Variants in SETX observed in about 807,000 individuals in gnomAD.
The protein encoded by SETX is senataxin, also known as helicase senataxin.
A neutral mutation model predicts 227.2 loss-of-function variants in SETX; 90 were observed. The ratio of observed to expected loss-of-function variants is 0.40; its 90% CI spans 0.33 to 0.47. The LOEUF is 0.47. Ranked by LOEUF, SETX falls within the 20% of genes least tolerant of loss-of-function variation. SETX has a pLI of 0.91. For missense variants in SETX, 3,052 were observed against 3,181.5 expected, an observed-to-expected ratio of 0.96 and a Z score of 0.98; for synonymous variants, 1,210 against 1,113.2, an observed-to-expected ratio of 1.09 and a Z score of -1.73.
intron 6 of SETX, among the ~76,000 whole-genome samples, chr9:132,336,031 C>T (rs928913001): frequency 4.6e-5 from 7 of 152,180 alleles, no homozygotes; most frequent in African/African-American, 7.2e-5. Flanking sequence ...CACTTGATGT[C>T]AGGAGTTCAA....
chr9:132,278,104 T>C lies in SETX; in HGVS notation c.6808A>G (p.Asn2270Asp). ...MHPDICLFPS[N>D]YVYNRNLKTN... ...TTTAAGTTTCTGTTATAAACATAAT[T>C]AGAAGGGAAGAGGCATATGTCTGGA... is the stretch of plus-strand genomic sequence containing the variant. The change falls in exon 21 of 26, where the codon AAT (asparagine) becomes GAT (aspartate). Residue 2270 changes from asparagine to aspartate, a missense_variant. This residue lies in a region of SETX where 412 missense variants were observed against 589.0 expected (regional missense o/e 0.70). Transcript: ENST00000224140. The C allele has an allele frequency of 4.3e-6, 7 of 1,614,078 alleles. No individual in the cohort carries two copies. The highest frequency in any genetic ancestry group is 5.9e-6 in the Non-Finnish European group (7 of 1,179,956).
Position 132,265,909 on chromosome 9 carries a change from G to A in SETX, c.7288-924C>T, listed in dbSNP as rs571568868. On this transcript the variant is annotated intron_variant, in intron 25 of 25. Coordinates refer to ENST00000224140, the MANE Select transcript of SETX (RefSeq NM_015046.7). Reference sequence around the variant, plus strand: ...TCTAAAGGCCTCCCAAACCCCGAATGGCTAAAACATCTTCATCCACCGAGA... The same window carrying A: ...TCTAAAGGCCTCCCAAACCCCGAATAGCTAAAACATCTTCATCCACCGAGA... 2.7e-5 allele frequency among the ~76,000 whole-genome samples: 4 copies of A among 148,506 alleles called. No individual in the cohort carries two copies. In the East Asian group the frequency reaches 8.0e-4, roughly 30 times the overall value.
intron 15 of SETX, among the ~76,000 whole-genome samples, chr9:132,294,829 A>T (rs189454607): frequency 2.0e-5 from 3 of 152,122 alleles, no homozygotes; most frequent in African/African-American, 7.2e-5. Flanking sequence ...GTCTCCAAGG[A>T]CTCTCTAAGG....
chr9:132,314,162 G>A (rs958382837), intron 10 of SETX, among the ~76,000 whole-genome samples: 4 of 151,922 alleles, frequency 2.6e-5, no homozygotes, highest in South Asian at 4.1e-4. Context: ...GTGCGATCTC[G>A]GCTCACCACA....
At chr9:132,285,223 G>GT (rs1453540192) in intron 18 of SETX, among the ~76,000 whole-genome samples, 1 of 152,000 alleles carries the variant, frequency 6.6e-6, no homozygotes, top group Non-Finnish European at 1.5e-5. Flanking sequence ...TATCATAATT[G>GT]TTTTTTGCAG....
chr9:132,265,105 A>G, intron 25 of SETX, 120 bp from the exon 26 acceptor site: 1 of 1,202,094 alleles, frequency 8.3e-7, no homozygotes, highest in South Asian at 1.3e-5. Flanking sequence ...CATATTCTCA[A>G]GATTCATTAC....
At chr9:132,313,116 A>G (rs1052844965) in intron 10 of SETX, among the ~76,000 whole-genome samples, 1 of 152,200 alleles carries the variant, frequency 6.6e-6, no homozygotes, top group African/African-American at 2.4e-5. Flanking sequence ...GGCAGAAAGG[A>G]TTGTTTTAGG....
Position 132,264,867 on chromosome 9 carries a change from A to G in SETX, c.7406T>C (p.Leu2469Pro), listed in dbSNP as rs151304085. The change falls in exon 26 of 26, where the codon CTG becomes CCG. Residue 2469 changes from leucine (L) to proline (P), a missense_variant. Physicochemically the swap from Leu to Pro is moderately conservative, Grantham distance 98. This residue lies in a region of SETX where 294 missense variants were observed against 278.8 expected (regional missense o/e 1.05). Coordinates refer to ENST00000224140, the MANE Select transcript of SETX (RefSeq NM_015046.7). Reference sequence around the variant, plus strand: ...AGGAGGGTGAGTGAGACTTCTCTGCAGCACAGGCTTGAGTTTCAGAATCTT... The same window carrying G: ...AGGAGGGTGAGTGAGACTTCTCTGCGGCACAGGCTTGAGTTTCAGAATCTT... ...AVKILKLKPV[L>P]QRSLTHPPTI... 8.7e-5 allele frequency: 141 copies of G among 1,614,020 alleles called. No homozygotes were observed. Among genetic ancestry groups the G allele is most frequent in the Non-Finnish European group, 1.1e-4 (130 of 1,179,988 alleles).
chr9:132,309,447 A>G (rs758816692), intron 11 of SETX, among the ~76,000 whole-genome samples: 1 of 152,156 alleles, frequency 6.6e-6, no homozygotes. Flanking sequence ...GAAAGCTTCT[A>G]GAAAAGGGGT....
At chr9:132,302,338 C>G (rs1470346628) in intron 11 of SETX, among the ~76,000 whole-genome samples, 1 of 111,010 alleles carries the variant, frequency 9.0e-6, no homozygotes, top group Non-Finnish European at 1.7e-5. Context: ...GCCTGGGTGA[C>G]AGAGCAAGAA....
At chr9:132,314,661 AAGG>A (rs1452745887) in intron 10 of SETX, among the ~76,000 whole-genome samples, 1 of 152,188 alleles carries the variant, frequency 6.6e-6, no homozygotes, top group Non-Finnish European at 1.5e-5. Context: ...CTCATCTTCA[AAGG>A]AGGTCTGAGT....
intron 23 of SETX, among the ~76,000 whole-genome samples, chr9:132,272,032 G>GC (rs1842929853): frequency 6.6e-6 from 1 of 151,910 alleles, no homozygotes. Flanking sequence ...ACAGGTGCCC[G>GC]CCACCATGCC....
chr9:132,265,897 C>A (rs1564465730), intron 25 of SETX, among the ~76,000 whole-genome samples: 1 of 152,140 alleles, frequency 6.6e-6, no homozygotes, highest in Non-Finnish European at 1.5e-5. Context: ...AAAGGCCTCC[C>A]AAACCCCGAA....
At chr9:132,300,130 CAAAAAAAAAAAAAAAA>C (rs72582907) in intron 12 of SETX, among the ~76,000 whole-genome samples, 1 of 47,206 alleles carries the variant, frequency 2.1e-5, no homozygotes, top group Non-Finnish European at 4.5e-5. Context: ...AACTCCGTCT[CAAAAAAAAAAAAAAAA>C]AAAAAAAAAG....
At chr9:132,269,383 A>T in intron 25 of SETX, 1 of 1,504,170 alleles carries the variant, frequency 6.6e-7, no homozygotes, top group Non-Finnish European at 9.0e-7. Flanking sequence ...GATGTGGATA[A>T]TTTGTTTTAA....
chr9:132,281,804 C>T (rs573282747), intron 19 of SETX, among the ~76,000 whole-genome samples: 3 of 151,974 alleles, frequency 2.0e-5, no homozygotes, highest in African/African-American at 4.8e-5. Flanking sequence ...TTTGGGAGGC[C>T]GAGGTGGGTG....
At position 132,326,795 on chromosome 9, in the gene SETX, T is replaced by C. The variant is rs765010284; in HGVS notation, c.4803A>G (p.Ser1601=). Residue 1601 remains serine, a synonymous_variant, in exon 10 of 26, where the codon TCA becomes TCG. Transcript: ENST00000224140. ...GACCAGCAATTCGTGAAGTACTCTT[T>C]GAGCTAAAAATCTTAGTGGTAGGTC... The part of the protein sequence containing the change: ...PLRPTTKIFS[S]KSTSRIAGLS... 3.1e-6 allele frequency: 5 copies of C among 1,614,240 alleles called. No individual in the cohort carries two copies. The highest frequency in any genetic ancestry group is 4.2e-6 in the Non-Finnish European group (5 of 1,180,046).
Position 132,327,693 on chromosome 9 carries a change from C to A in SETX, c.3905G>T (p.Arg1302Leu). The stretch of plus-strand genomic sequence containing the variant: ...TAATTGAGCTACATAATCCAAAGAC[C>A]GCTGGGACAACTCATATGCCTTACG... ...GPRKAYELSQ[R>L]SLDYVAQLRD... The change falls in exon 10 of 26, where the codon CGG becomes CTG. Residue 1302 changes from arginine to leucine, a missense_variant. Arg to Leu is a moderately radical substitution (Grantham distance 102). Transcript: ENST00000224140. The A allele has an allele frequency of 1.2e-6, 2 of 1,613,956 alleles. No homozygotes were observed. Among genetic ancestry groups the A allele is most frequent in the Admixed American group, 3.3e-5 (2 of 59,964 alleles).
chr9:132,293,099 G>A (rs988309609), intron 15 of SETX, among the ~76,000 whole-genome samples: 2 of 152,024 alleles, frequency 1.3e-5, no homozygotes, highest in Non-Finnish European at 2.9e-5. Flanking sequence ...AGACACCAAG[G>A]TGTCCTTATT....
Sources: gnomAD v4.1 joint callset for allele counts (sites outside exome capture counted in the v4.1 genomes callset) on GRCh38, gnomAD v4.1.1 for gene constraint, gnomAD v4.1.1 regional missense constraint, MANE v1.5 for transcripts, NCBI Gene and HGNC (gene_info 2026-07-23, HGNC 2026-07-21) for gene names.